PADI2: variants seen among roughly 807,000 people sequenced by gnomAD.
PADI2 encodes protein-arginine deiminase type-2.
In PADI2, 70 loss-of-function variants were observed where a neutral mutation model predicts 81.1. The observed-to-expected ratio is 0.86, with a 90% CI of 0.71 to 1.05. The LOEUF (loss-of-function observed/expected upper bound fraction) is 1.05. Ranked by LOEUF, PADI2 falls within the 50% of genes least tolerant of loss-of-function variation. The pLI is 0.00. For missense variants in PADI2, 853 were observed against 889.9 expected (o/e 0.96, Z 0.53); for synonymous variants, 338 against 358.0 (o/e 0.94, Z 0.63).
chr1:17,082,875 AT>A (rs34270969), intron 9 of PADI2: 41,421 of 358,110 alleles, frequency 0.12, 627 homozygotes, highest in Middle Eastern at 0.17. Flanking sequence ...TATCAGCCCC[AT>A]TTTTTTTTTT....
intron 6 of PADI2, among the ~76,000 whole-genome samples, chr1:17,088,106 T>A (rs1003327853): frequency 2.0e-5 from 3 of 151,080 alleles, no homozygotes; most frequent in Non-Finnish European, 3.0e-5. Context: ...CGGCTATGGG[T>A]GAGATCCAGT....
intron 1 of PADI2, among the ~76,000 whole-genome samples, chr1:17,114,895 C>T (rs1248087071): frequency 2.6e-5 from 4 of 152,092 alleles, no homozygotes; most frequent in Non-Finnish European, 4.4e-5. Context: ...CCAGCGTGGC[C>T]GGAATGGAGT....
Position 17,083,777 on chromosome 1 carries a change from A to G in PADI2, c.999T>C (p.Cys333=). ...GGTACTGGAAGCAGACCTTCAGCTC[A>G]CAGTTGGTTTTCTCCACAAGGTTCT... ...EVKNLVEKTN[C]ELKVCFQYLN... Residue 333 remains cysteine (C), a synonymous_variant, in exon 9 of 16, where the codon TGT becomes TGC. Coordinates refer to ENST00000375486, the MANE Select transcript of PADI2 (RefSeq NM_007365.3). The G allele has an allele frequency of 2.5e-6, 4 of 1,613,828 alleles. No homozygotes were observed. Among genetic ancestry groups the G allele is most frequent in the Non-Finnish European group, 3.4e-6 (4 of 1,179,710 alleles).
At chr1:17,079,121 T>G (rs912507518) in intron 11 of PADI2, 143 bp downstream of exon 11, 1 of 623,002 alleles carries the variant, frequency 1.6e-6, no homozygotes, top group Non-Finnish European at 2.8e-6. Context: ...TTTCCAAGAG[T>G]GTCGGCCTCT....
rs769326939 is a variant in PADI2, at chr1:17,086,551, G to A, written c.804C>T (p.Ile268=). 6.2e-7 allele frequency: 1 copy of A among 1,613,856 alleles called. No homozygotes were observed. The highest frequency in any genetic ancestry group is 1.3e-5 in the African/African-American group (1 of 75,056). The change falls in exon 7 of 16, where the codon ATC becomes ATT. Residue 268 remains isoleucine, a synonymous_variant. Coordinates refer to ENST00000375486, the MANE Select transcript of PADI2 (RefSeq NM_007365.3). ...CCATGTACTCCAGCAGGCTGACATGGATGGAGACCAGGCCTGAGAAGCCCT... is the reference window on the plus strand; with the variant it reads ...CCATGTACTCCAGCAGGCTGACATGAATGGAGACCAGGCCTGAGAAGCCCT... ...PDEGFSGLVS[I]HVSLLEYMAQ... is the part of the protein sequence containing the mutation.
Position 17,102,568 on chromosome 1 carries a change from T to C in PADI2, c.349+419A>G, listed in dbSNP as rs76286001. 3.5e-3 allele frequency among the ~76,000 whole-genome samples: 531 copies of C among 152,348 alleles called. 9 individuals carry two copies. Among genetic ancestry groups the C allele is most frequent in the African/African-American group, 0.012 (515 of 41,582 alleles). ...GCATCTCTGCACCCTCGGGGCTGAA[T>C]CTGGGGAGAACCAGGGGGCAGCTGG... On this transcript the variant is annotated intron_variant, in intron 3 of 15. Transcript: ENST00000375486.
At chr1:17,069,957 G>A in intron 15 of PADI2, 131 bp downstream of exon 15, 1 of 1,020,842 alleles carries the variant, frequency 9.8e-7, no homozygotes, top group Non-Finnish European at 1.4e-6. Context: ...TGCCTGAGGT[G>A]AGGTCACACA....
chr1:17,074,795 C>T, intron 13 of PADI2, 61 bp downstream of exon 13: 1 of 1,050,228 alleles, frequency 9.5e-7, no homozygotes, highest in Admixed American at 1.8e-5. Context: ...CCCCACCCTC[C>T]CGAGGGTCTC....
rs1321279309 is a variant in PADI2, at chr1:17,067,722, C to T, written c.*1322G>A. 6.6e-6 allele frequency: 1 copy of T among 152,228 alleles called. No individual in the cohort carries two copies. Among genetic ancestry groups the T allele is most frequent in the Non-Finnish European group, 1.5e-5 (1 of 68,044 alleles). 9.4% of individuals were successfully genotyped at this position (152,228 alleles called of 1,614,324 possible). A position where few individuals can be genotyped will look rare whatever the true frequency, so the allele number is the denominator to read the frequency against. ...GTGCCTGGCGCTTAGTGGCATACAA[C>T]AAATGTTTGTTGAATGGTTGAAGGA... On this transcript the variant is annotated 3_prime_UTR_variant, in exon 16 of 16. Coordinates refer to ENST00000375486, the MANE Select transcript of PADI2 (RefSeq NM_007365.3).
Position 17,074,951 on chromosome 1 carries a change from T to C in PADI2, c.1456-2A>G. 6.2e-7 allele frequency: 1 copy of C among 1,606,586 alleles called. No homozygotes were observed. The highest frequency in any genetic ancestry group is 1.1e-5 in the South Asian group (1 of 90,592). On this transcript the variant is annotated splice_acceptor_variant, in intron 12 of 15. Coordinates refer to ENST00000375486, the MANE Select transcript of PADI2 (RefSeq NM_007365.3). LOFTEE classifies it high-confidence loss of function. ...GCTGGCCATGAGTAGCAGGAATTTC[T>C]GCAAGAGACAGTCCAGAGGGACAGA... is the stretch of plus-strand genomic sequence containing the variant.
Position 17,119,287 on chromosome 1 carries a change from C to T in PADI2, c.85G>A (p.Val29Ile). 2.6e-6 allele frequency: 4 copies of T among 1,546,648 alleles called. No individual in the cohort carries two copies. Among genetic ancestry groups the T allele is most frequent in the Non-Finnish European group, 2.6e-6 (3 of 1,146,592 alleles). Residue 29 changes from valine (V) to isoleucine (I), a missense_variant, in exon 1 of 16, where the codon GTC becomes ATC. Coordinates refer to ENST00000375486, the MANE Select transcript of PADI2 (RefSeq NM_007365.3). The surrounding 1 kb of genome is among the most constrained non-coding windows in gnomAD (Gnocchi z 4.8). ...YVLGTYLWTD[V>I]YSAAPAGAQT... ...CACGGTGGGCCGGCTCACCTGTAGACATCGGTCCAGAGGTAGGTGCCCAGC... is the reference window on the plus strand; with the variant it reads ...CACGGTGGGCCGGCTCACCTGTAGATATCGGTCCAGAGGTAGGTGCCCAGC...
intron 3 of PADI2, among the ~76,000 whole-genome samples, chr1:17,096,523 A>T (rs1198999666): frequency 6.6e-6 from 1 of 152,168 alleles, no homozygotes; most frequent in Non-Finnish European, 1.5e-5. Flanking sequence ...ACCTTCAAGG[A>T]CTGAGGGTTT....
chr1:17,078,013 C>A (rs2078316748), intron 11 of PADI2, among the ~76,000 whole-genome samples: 1 of 152,084 alleles, frequency 6.6e-6, no homozygotes, highest in Non-Finnish European at 1.5e-5. Flanking sequence ...GTATGGTAGC[C>A]CTGAGGATTC....
At position 17,102,751 on chromosome 1, in the gene PADI2, T is replaced by TGGA. The variant is rs1553183544; in HGVS notation, c.349+235_349+236insTCC. Among the ~76,000 whole-genome samples, 7 of 139,608 alleles carry TGGA rather than the reference T, an allele frequency of 5.0e-5. 1 individual carries two copies. The East Asian group carries it at 1.3e-3, about 25-fold the overall frequency. 91.6% of individuals were successfully genotyped at this position (139,608 alleles called of 152,430 possible). The stretch of plus-strand genomic sequence containing the variant: ...AGCCTGGGAAGGGGACCTTGACACT[T>TGGA]GGGGGGGGGTTGCTGATGGATCAGG... On this transcript the variant is annotated intron_variant, in intron 3 of 15. Transcript: ENST00000375486.
intron 2 of PADI2, 33 bp downstream of exon 2, chr1:17,104,845 G>C: frequency 6.5e-7 from 1 of 1,529,758 alleles, no homozygotes; most frequent in East Asian, 2.3e-5. Flanking sequence ...CATGGTCCCG[G>C]GCCCGCAGAG....
intron 14 of PADI2, among the ~76,000 whole-genome samples, chr1:17,070,463 C>A (rs1029281189): frequency 6.6e-6 from 1 of 152,230 alleles, no homozygotes. Flanking sequence ...TGAGCACTCA[C>A]TAGAGCCGGT....
intron 1 of PADI2, among the ~76,000 whole-genome samples, chr1:17,107,922 C>T (rs1049321213): frequency 6.6e-6 from 1 of 151,470 alleles, no homozygotes; most frequent in Non-Finnish European, 1.5e-5. Context: ...TTGGTCATGG[C>T]TTGCTGTCCC....
rs1930786182 is a variant in PADI2, at chr1:17,093,570, C to T, written c.526G>A (p.Glu176Lys). The change falls in exon 5 of 16, where the codon GAA becomes AAA. Residue 176 changes from glutamate (E) to lysine (K), a missense_variant. By Grantham distance (56) the Glu-to-Lys change is moderately conservative. Transcript: ENST00000375486. ...DCRDEKVYSK[E>K]DLKDMSQMIL... is the part of the protein sequence containing the mutation. The stretch of plus-strand genomic sequence containing the variant: ...CAAGTGCAGGGCCTGCTGGCACCTT[C>T]CTTGCTGTAGACCTTCTCATCACGG... 5 of 1,598,890 alleles carry T rather than the reference C, an allele frequency of 3.1e-6. No individual in the cohort carries two copies. The highest frequency in any genetic ancestry group is 1.7e-5 in the Admixed American group (1 of 59,868).
rs566123530 is a variant in PADI2 at position 17,109,389 on chromosome 1, TAAAAAAAA to T, written c.93-4336_93-4329del. ...GGTGACAGAGCGAGACTCTGTCTAT[TAAAAAAAA>T]AAAAAAAAAAAAAAAAAAAGCTTGG... On this transcript the variant is annotated intron_variant, in intron 1 of 15. Transcript: ENST00000375486. 1.2e-3 allele frequency among the ~76,000 whole-genome samples: 62 copies of T among 50,090 alleles called. 1 individual carries two copies. The highest frequency in any genetic ancestry group is 5.9e-3 in the African/African-American group (59 of 9,996). 32.9% of individuals were successfully genotyped at this position (50,090 alleles called of 152,430 possible).
Sources: allele counts gnomAD v4.1 joint callset (sites outside exome capture counted in the v4.1 genomes callset), GRCh38; gene constraint gnomAD v4.1.1; non-coding constraint Gnocchi (gnomAD v3.1); transcripts MANE v1.5; gene names NCBI Gene and HGNC (gene_info 2026-07-23, HGNC 2026-07-21).